The following SIMC1 variants were observed in gnomAD, a reference collection of about 807,000 sequenced individuals.
SIMC1 encodes the protein SUMO interacting motifs containing 1, also known as SUMO-interacting motif-containing protein 1.
SIMC1 carries 55 observed loss-of-function variants against 82.3 expected under a neutral mutation model. The observed-to-expected ratio is 0.67, with a 90% CI of 0.54 to 0.84. The LOEUF is 0.84. SIMC1 is among the 40% of genes least tolerant of loss of function. The pLI is 0.00. For missense variants in SIMC1, 915 were observed against 1,107.2 expected, an observed-to-expected ratio of 0.83 and a Z score of 2.46; for synonymous variants, 353 against 426.3, an observed-to-expected ratio of 0.83 and a Z score of 2.12.
intron 1 of SIMC1, among the ~76,000 whole-genome samples, chr5:176,272,198 A>AAAAAAG (rs1762471342): frequency 8.6e-6 from 1 of 116,860 alleles, no homozygotes; most frequent in African/African-American, 3.0e-5. Context: ...AAAAAAAAAA[A>AAAAAAG]GGTGGGCATG....
At chr5:176,306,097 G>A (rs1159393293) in intron 4 of SIMC1, among the ~76,000 whole-genome samples, 17 of 74,112 alleles carry the variant, frequency 2.3e-4, no homozygotes, top group Middle Eastern at 0.017. Context: ...GCCTCTGCCC[G>A]GCCGCCCCTA....
chr5:176,273,247 AT>A (rs2113187593), intron 1 of SIMC1, among the ~76,000 whole-genome samples: 1 of 152,324 alleles, frequency 6.6e-6, no homozygotes, highest in East Asian at 1.9e-4. Context: ...CAGAGGAACG[AT>A]CAGGCAGCAG....
intron 6 of SIMC1, among the ~76,000 whole-genome samples, chr5:176,323,491 C>T (rs1251763619): frequency 6.6e-6 from 1 of 152,166 alleles, no homozygotes; most frequent in Non-Finnish European, 1.5e-5. Context: ...TTATATAGCA[C>T]TCACAACTTT....
intron 7 of SIMC1, among the ~76,000 whole-genome samples, chr5:176,335,162 A>G (rs1287989879): frequency 6.6e-6 from 1 of 151,870 alleles, no homozygotes; most frequent in Non-Finnish European, 1.5e-5. Flanking sequence ...ATGCCTGAAA[A>G]TGGTTGTTTT....
chr5:176,281,392 T>C lies in SIMC1; in HGVS notation c.130-8262T>C, dbSNP rs1171347039. Among the ~76,000 whole-genome samples, 7 of 149,924 alleles carry C rather than the reference T, an allele frequency of 4.7e-5. No homozygotes were observed. In the East Asian group the frequency reaches 1.2e-3, roughly 25 times the overall value. On this transcript the variant is annotated intron_variant, in intron 1 of 9. Transcript: ENST00000429602. ...TTGGTTTGAATATCCTCCTGTAGCTTGTAGTTTGATCGTCTGAAACCTTCT... is the reference window on the plus strand; with the variant it reads ...TTGGTTTGAATATCCTCCTGTAGCTCGTAGTTTGATCGTCTGAAACCTTCT...
At chr5:176,275,217 T>C (rs1024456517) in intron 1 of SIMC1, among the ~76,000 whole-genome samples, 4 of 151,756 alleles carry the variant, frequency 2.6e-5, no homozygotes, top group African/African-American at 9.7e-5. Flanking sequence ...GATTCCTAGG[T>C]ATTTTATTCT....
At chr5:176,252,221 C>CT (rs1157736471) in intron 1 of SIMC1, among the ~76,000 whole-genome samples, 1 of 150,896 alleles carries the variant, frequency 6.6e-6, no homozygotes, top group Non-Finnish European at 1.5e-5. Flanking sequence ...CTGACCGCCC[C>CT]CCCCACCTCC....
intron 5 of SIMC1, among the ~76,000 whole-genome samples, chr5:176,319,433 C>T (rs564935644): frequency 3.3e-5 from 5 of 152,016 alleles, no homozygotes; most frequent in African/African-American, 1.2e-4. Context: ...ACTGGAGAGG[C>T]TGAGGCAGGA....
At position 176,337,957 on chromosome 5, in the gene SIMC1, A is replaced by C. The variant is rs147102729; in HGVS notation, c.2413+811A>C. Among the ~76,000 whole-genome samples the C allele has an allele frequency of 2.4e-3, 365 of 152,302 alleles. 2 individuals carry two copies. The highest frequency in any genetic ancestry group is 5.6e-3 in the South Asian group (27 of 4,828). On this transcript the variant is annotated intron_variant, in intron 9 of 9. Transcript: ENST00000429602. ...GGAATAGCTGCTTCAAATGAGAATG[A>C]TTTTATTAGCCAAGGATTAATGAGG...
intron 4 of SIMC1, among the ~76,000 whole-genome samples, chr5:176,300,623 C>T (rs1764001501): frequency 6.6e-6 from 1 of 151,928 alleles, no homozygotes; most frequent in Non-Finnish European, 1.5e-5. Flanking sequence ...CACCCAGCCA[C>T]AGAGTTGGGT....
chr5:176,246,185 T>C (rs1761433090), intron 1 of SIMC1, among the ~76,000 whole-genome samples: 1 of 151,472 alleles, frequency 6.6e-6, no homozygotes, highest in African/African-American at 2.4e-5. Context: ...AATTTTTTTG[T>C]ATTTTTCGTA....
At chr5:176,305,118 C>T (rs1395135371) in intron 4 of SIMC1, among the ~76,000 whole-genome samples, 1 of 143,724 alleles carries the variant, frequency 7.0e-6, no homozygotes, top group African/African-American at 2.6e-5. Context: ...CGACGCCCGG[C>T]CAGCCGTGCC....
At position 176,290,187 on chromosome 5, in the gene SIMC1, C is replaced by A; in HGVS notation, c.663C>A (p.Cys221Ter). Residue 221 changes from cysteine to a stop codon, truncating the protein, a stop_gained, in exon 2 of 10, where the codon TGC (cysteine) becomes TGA (stop). Coordinates refer to ENST00000429602, the MANE Select transcript of SIMC1 (RefSeq NM_001308195.2). LOFTEE classifies it high-confidence loss of function. The part of the protein sequence containing the change: ...DVSRPPQALP[C>*]PLRPLPCPPR... ...CTCGCCCACCACAGGCCTTGCCGTGCCCCCTGCGACCTTTGCCATGCCCAC... is the reference window on the plus strand; with the variant it reads ...CTCGCCCACCACAGGCCTTGCCGTGACCCCTGCGACCTTTGCCATGCCCAC... The A allele has an allele frequency of 1.2e-6, 2 of 1,612,174 alleles. No individual in the cohort carries two copies. Among genetic ancestry groups the A allele is most frequent in the Non-Finnish European group, 1.7e-6 (2 of 1,178,962 alleles).
intron 9 of SIMC1, among the ~76,000 whole-genome samples, chr5:176,343,060 CTGT>C (rs1766221247): frequency 6.6e-6 from 1 of 152,190 alleles, no homozygotes; most frequent in South Asian, 2.1e-4. Flanking sequence ...TTTGAACATG[CTGT>C]TGTATACTTA....
chr5:176,290,282 C>T lies in SIMC1; in HGVS notation c.758C>T (p.Thr253Ile), dbSNP rs1454798742. The T allele has an allele frequency of 1.2e-6, 2 of 1,613,740 alleles. No individual in the cohort carries two copies. The highest frequency in any genetic ancestry group is 1.7e-6 in the Non-Finnish European group (2 of 1,179,876). ...CGAGCCTTGTCATGCCCATCACAAA[C>T]CATGCAGTGCCAACTACCAGCTCTA... ...PPRALSCPSQTMQCQLPALTH... is the reference protein window; with the variant it reads ...PPRALSCPSQIMQCQLPALTH... Residue 253 changes from threonine (T) to isoleucine (I), a missense_variant, in exon 2 of 10, where the codon ACC (threonine) becomes ATC (isoleucine). Transcript: ENST00000429602.
chr5:176,267,940 G>A (rs576672247), intron 1 of SIMC1, among the ~76,000 whole-genome samples: 21 of 151,214 alleles, frequency 1.4e-4, no homozygotes, highest in African/African-American at 5.1e-4. Flanking sequence ...TGTAGGGATG[G>A]AGTTTCACCA....
At chr5:176,330,515 A>T (rs1176196900) in intron 7 of SIMC1, among the ~76,000 whole-genome samples, 1 of 152,168 alleles carries the variant, frequency 6.6e-6, no homozygotes, top group Admixed American at 6.6e-5. Flanking sequence ...GTAAGGAAAT[A>T]TTCAAAGACT....
chr5:176,286,475 C>A (rs1162835422), intron 1 of SIMC1, among the ~76,000 whole-genome samples: 1 of 152,142 alleles, frequency 6.6e-6, no homozygotes, highest in East Asian at 1.9e-4. Flanking sequence ...ATACCTTATA[C>A]AAAAATTAAT....
intron 1 of SIMC1, among the ~76,000 whole-genome samples, chr5:176,272,172 CAAAAAAAAAAAA>C (rs1162307977): frequency 0.022 from 442 of 19,974 alleles, 8 homozygotes; most frequent in African/African-American, 0.059. Flanking sequence ...CCCATCTCTA[CAAAAAAAAAAAA>C]AAAAAAAAAA....
Sources: gnomAD v4.1 joint callset for allele counts (sites outside exome capture counted in the v4.1 genomes callset) on GRCh38, gnomAD v4.1.1 for gene constraint, MANE v1.5 for transcripts, NCBI Gene and HGNC (gene_info 2026-07-23, HGNC 2026-07-21) for gene names.